NDUFV1: variants seen among roughly 807,000 people sequenced by gnomAD.
The protein encoded by NDUFV1 is NADH dehydrogenase [ubiquinone] flavoprotein 1, mitochondrial.
Under a neutral mutation model 48.7 loss-of-function variants are expected in NDUFV1, and 41 were observed. That is an observed-to-expected ratio of 0.84 (90% CI 0.66 to 1.09). The LOEUF (loss-of-function observed/expected upper bound fraction) is 1.09, where lower values mean the gene tolerates loss of function less well. Among genes scored for constraint, NDUFV1 ranks in the 50% least tolerant of loss-of-function variants. NDUFV1 has a pLI of 0.00. For synonymous variants in NDUFV1, 231 were observed against 259.1 expected (o/e 0.89, Z 1.04); for missense variants, 580 against 645.4 (o/e 0.90, Z 1.10).
rs1285139856 is a variant in NDUFV1 at position 67,612,011 on chromosome 11, T to C, written c.1162+33T>C. 2 of 1,613,568 alleles carry C rather than the reference T, an allele frequency of 1.2e-6. No individual in the cohort carries two copies. Among genetic ancestry groups the C allele is most frequent in the African/African-American group, 2.7e-5 (2 of 74,884 alleles). On this transcript the variant is annotated intron_variant, in intron 8 of 9. Transcript: ENST00000322776. The surrounding 1 kb of genome is among the most constrained non-coding windows in gnomAD (Gnocchi z 4.4). ...TCGGGCAGGTTGGGGGCTTGCTTGC[T>C]GTGGCTTCATTTAACCTCCTCCCCA...
In NDUFV1 at chr11:67,607,506, C is replaced by T. The variant is rs1409219366; in HGVS notation, c.72+430C>T. ...CCGTCGCCCTCAGCTGGTGCGCTCT[C>T]CACTGGGTCGTGGGGCTCCTCATTT... is the stretch of plus-strand genomic sequence containing the variant. On this transcript the variant is annotated intron_variant, in intron 1 of 9. Transcript: ENST00000322776. The T allele has an allele frequency of 1.3e-5, 6 of 462,972 alleles. No homozygotes were observed. In the Admixed American group the frequency reaches 1.4e-4, roughly 11 times the overall value. The allele number at this position is 462,972 out of a possible 1,614,324, so 28.7% of individuals were successfully genotyped here. A position where few individuals can be genotyped will look rare whatever the true frequency, so the allele number is the denominator to read the frequency against.
chr11:67,610,208 TC>T lies in NDUFV1; in HGVS notation c.511-171del, dbSNP rs1854885691. ...TATGTGTTCCTTCTTGCTTATCTGT[TC>T]CAGATCATAGTCAAGTTTTCCAATT... On this transcript the variant is annotated intron_variant, in intron 4 of 9. Transcript: ENST00000322776. The T allele has an allele frequency of 4.5e-6, 3 of 672,592 alleles. No individual in the cohort carries two copies. The East Asian group carries it at 8.0e-5, about 18-fold the overall frequency. The allele number at this position is 672,592 out of a possible 1,614,324, so 41.7% of individuals were successfully genotyped here. A position where few individuals can be genotyped will look rare whatever the true frequency, so the allele number is the denominator to read the frequency against.
intron 5 of NDUFV1, 85 bp from the exon 6 acceptor site, chr11:67,610,910 G>C: frequency 1.5e-6 from 2 of 1,325,480 alleles, no homozygotes; most frequent in South Asian, 2.4e-5. Context: ...TCTGCCATGG[G>C]TGCAGGACCC....
rs1332329444 is a variant in NDUFV1, at chr11:67,609,499, G to A, written c.374G>A (p.Cys125Tyr). 1.2e-6 allele frequency: 2 copies of A among 1,613,732 alleles called. No homozygotes were observed. The highest frequency in any genetic ancestry group is 2.2e-5 in the South Asian group (2 of 91,084). The change falls in exon 4 of 10, where the codon TGC becomes TAC. Residue 125 changes from cysteine (C) to tyrosine (Y), a missense_variant. Physicochemically the swap from Cys to Tyr is radical, Grantham distance 194. Transcript: ENST00000322776. ...VNADEGEPGT[C>Y]KDREILRHDP... Reference sequence around the variant, plus strand: ...GCAGACGAGGGGGAGCCGGGCACCTGCAAGGACCGGGAGATCTTACGCCAT... The same window carrying A: ...GCAGACGAGGGGGAGCCGGGCACCTACAAGGACCGGGAGATCTTACGCCAT...
In NDUFV1 at chr11:67,607,230, G is replaced by A. The variant is rs11227853; in HGVS notation, c.72+154G>A. 0.012 allele frequency: 10,872 copies of A among 879,742 alleles called. 775 individuals are homozygous for A. The African/African-American group carries it at 0.16, about 13-fold the overall frequency. The allele number at this position is 879,742 out of a possible 1,614,324, so 54.5% of individuals were successfully genotyped here. A position where few individuals can be genotyped will look rare whatever the true frequency, so the allele number is the denominator to read the frequency against. On this transcript the variant is annotated intron_variant, in intron 1 of 9. Coordinates refer to ENST00000322776, the MANE Select transcript of NDUFV1 (RefSeq NM_007103.4). ...CCCCCGCTCCGGCCTGGTTGAAGTAGGGGAACGGGTCCCAACGCGGGGCCG... is the reference window on the plus strand; with the variant it reads ...CCCCCGCTCCGGCCTGGTTGAAGTAAGGGAACGGGTCCCAACGCGGGGCCG...
rs752141473 is a variant in NDUFV1 at position 67,607,076 on chromosome 11, G to T, written c.72G>T (p.Thr24=). 6.2e-7 allele frequency: 1 copy of T among 1,605,738 alleles called. No homozygotes were observed. The highest frequency in any genetic ancestry group is 1.7e-5 in the Admixed American group (1 of 59,718). Residue 24 remains threonine, a splice_region_variant and synonymous_variant, in exon 1 of 10, where the codon ACG becomes ACT. Transcript: ENST00000322776. Reference sequence around the variant, plus strand: ...TATCTGTGCGTTTCAGCGGCGACACGGTGAGGCCCAGCCTGGCTGGGGCCA... The same window carrying T: ...TATCTGTGCGTTTCAGCGGCGACACTGTGAGGCCCAGCCTGGCTGGGGCCA... ...ARVSVRFSGD[T]TAPKKTSFGS... is the part of the protein sequence containing the mutation.
intron 5 of NDUFV1, 133 bp downstream of exon 5, chr11:67,610,703 C>A (rs909685737): frequency 1.6e-6 from 2 of 1,280,494 alleles, no homozygotes; most frequent in Non-Finnish European, 2.2e-6. Flanking sequence ...AGGCTGGCAA[C>A]AACACACAGG....
Position 67,611,016 on chromosome 11 carries a change from C to T in NDUFV1, c.722C>T (p.Thr241Ile). ...GAAGGAGTGTTTGGCTGCCCCACAA[C>T]TGTGGCCAACGTGGAGACAGTGGCA... ...ADVGVFGCPT[T>I]VANVETVAVS... Residue 241 changes from threonine (T) to isoleucine (I), a missense_variant, in exon 6 of 10, where the codon ACT (threonine) becomes ATT (isoleucine). Coordinates refer to ENST00000322776, the MANE Select transcript of NDUFV1 (RefSeq NM_007103.4). The surrounding 1 kb of genome is among the most constrained non-coding windows in gnomAD (Gnocchi z 4.2). 1.2e-6 allele frequency: 2 copies of T among 1,614,266 alleles called. No individual in the cohort carries two copies. The highest frequency in any genetic ancestry group is 1.1e-5 in the South Asian group (1 of 91,090).
rs377455367 is a variant in NDUFV1, at chr11:67,610,454, T to C, written c.584T>C (p.Val195Ala). 1.2e-6 allele frequency: 2 copies of C among 1,613,966 alleles called. No homozygotes were observed. Among genetic ancestry groups the C allele is most frequent in the African/African-American group, 2.7e-5 (2 of 74,870 alleles). ...NACGSGYDFD[V>A]FVVRGAGAYI... is the part of the protein sequence containing the mutation. ...TGTGGCTCTGGCTATGATTTTGACG[T>C]GTTTGTGGTGCGCGGGGCTGGGGCC... The change falls in exon 5 of 10, where the codon GTG becomes GCG. Residue 195 changes from valine to alanine, a missense_variant. Transcript: ENST00000322776.
intron 4 of NDUFV1, 114 bp downstream of exon 4, chr11:67,609,749 G>A (rs1251486846): frequency 3.9e-6 from 5 of 1,283,758 alleles, no homozygotes; most frequent in Admixed American, 3.6e-5. Flanking sequence ...TGGTTGAACT[G>A]GGGGAGTGGT....
At chr11:67,608,151 G>C in intron 1 of NDUFV1, 2 of 551,948 alleles carry the variant, frequency 3.6e-6, no homozygotes. Context: ...ATTTGAACCT[G>C]GGAGGTGGAG....
chr11:67,612,059 G>T lies in NDUFV1; in HGVS notation c.1163-61G>T. ...CCACCACGTGGCCTGCAGCCCTCAAGCGCCGCCCCACATCCTGGCTGGGGA... is the reference window on the plus strand; with the variant it reads ...CCACCACGTGGCCTGCAGCCCTCAATCGCCGCCCCACATCCTGGCTGGGGA... On this transcript the variant is annotated intron_variant, in intron 8 of 9. Coordinates refer to ENST00000322776, the MANE Select transcript of NDUFV1 (RefSeq NM_007103.4). This position sits in a 1 kb window ranked among gnomAD's most constrained non-coding sequence, Gnocchi z 4.4. 6.2e-7 allele frequency: 1 copy of T among 1,613,654 alleles called. No homozygotes were observed. The highest frequency in any genetic ancestry group is 8.5e-7 in the Non-Finnish European group (1 of 1,179,974).
chr11:67,607,661 C>G (rs867809623), intron 1 of NDUFV1: 62 of 355,550 alleles, frequency 1.7e-4, no homozygotes, highest in South Asian at 5.6e-4. Context: ...TTTGGTCCAG[C>G]AGGGGAGCCA....
rs751551838 is a variant in NDUFV1 at position 67,609,468 on chromosome 11, G to A, written c.343G>A (p.Val115Met). The A allele has an allele frequency of 1.4e-5, 22 of 1,613,546 alleles. No individual in the cohort carries two copies. Among genetic ancestry groups the A allele is most frequent in the Non-Finnish European group, 1.8e-5 (21 of 1,179,964 alleles). The change falls in exon 4 of 10, where the codon GTG becomes ATG. Residue 115 changes from valine to methionine, a missense_variant. Physicochemically the swap from Val to Met is conservative, Grantham distance 21. Transcript: ENST00000322776. ...CCCCTGCAGGCCCAAGTATCTGGTG[G>A]TGAACGCAGACGAGGGGGAGCCGGG... is the stretch of plus-strand genomic sequence containing the variant. ...PSDGRPKYLV[V>M]NADEGEPGTC...
rs771527697 is a variant in NDUFV1, at chr11:67,608,570, T to G, written c.174T>G (p.Ser58Arg). ...RHDWRLKGSL[S>R]RGDWYKTKEI... Reference sequence around the variant, plus strand: ...TGTCCAGGCTGAAAGGTTCCCTGAGTCGAGGTGACTGGTACAAGACAAAGG... The same window carrying G: ...TGTCCAGGCTGAAAGGTTCCCTGAGGCGAGGTGACTGGTACAAGACAAAGG... The change falls in exon 3 of 10, where the codon AGT becomes AGG. Residue 58 changes from serine to arginine, a missense_variant. Physicochemically the swap from Ser to Arg is moderately radical, Grantham distance 110. Coordinates refer to ENST00000322776, the MANE Select transcript of NDUFV1 (RefSeq NM_007103.4). 6.2e-7 allele frequency: 1 copy of G among 1,614,000 alleles called. No individual in the cohort carries two copies. The highest frequency in any genetic ancestry group is 8.5e-7 in the Non-Finnish European group (1 of 1,179,992).
intron 3 of NDUFV1, among the ~76,000 whole-genome samples, chr11:67,608,945 T>G (rs1377471987): frequency 1.3e-5 from 2 of 152,234 alleles, no homozygotes; most frequent in Non-Finnish European, 2.9e-5. Flanking sequence ...TTAGTTCAAA[T>G]CCTAGCTCTG....
chr11:67,611,588 GC>G lies in NDUFV1; in HGVS notation c.1080+22del. The G allele has an allele frequency of 6.3e-7, 1 of 1,593,348 alleles. No homozygotes were observed. ...CCGCTCGGTAAGGGTTCACACACCA[GC>G]CCTGGTCCCTGCCCTCCTGGTTGCT... On this transcript the variant is annotated intron_variant, in intron 7 of 9. Transcript: ENST00000322776. The surrounding 1 kb of genome is among the most constrained non-coding windows in gnomAD (Gnocchi z 4.2).
In NDUFV1 at chr11:67,612,542, G is replaced by T; in HGVS notation, c.*84G>T. ...GAGTGCTGCCCACCCTCCAGCTGCC[G>T]CTGCTGTGACTGTGCTCTTTACCCT... On this transcript the variant is annotated 3_prime_UTR_variant, in exon 10 of 10. Transcript: ENST00000322776. This position sits in a 1 kb window ranked among gnomAD's most constrained non-coding sequence, Gnocchi z 4.4. The T allele has an allele frequency of 6.9e-7, 1 of 1,451,478 alleles. No homozygotes were observed. The highest frequency in any genetic ancestry group is 9.5e-7 in the Non-Finnish European group (1 of 1,057,488). 89.9% of individuals were successfully genotyped at this position (1,451,478 alleles called of 1,614,324 possible). A position where few individuals can be genotyped will look rare whatever the true frequency, so the allele number is the denominator to read the frequency against.
At chr11:67,610,685 T>G in intron 5 of NDUFV1, 115 bp downstream of exon 5, 1 of 1,405,620 alleles carries the variant, frequency 7.1e-7, no homozygotes, top group Non-Finnish European at 9.7e-7. Flanking sequence ...TGGGGCCAGA[T>G]AGAGAGTAGG....
Sources: gnomAD v4.1 joint callset for allele counts (sites outside exome capture counted in the v4.1 genomes callset) on GRCh38, gnomAD v4.1.1 for gene constraint, Gnocchi (gnomAD v3.1) non-coding constraint, MANE v1.5 for transcripts, NCBI Gene and HGNC (gene_info 2026-07-23, HGNC 2026-07-21) for gene names.